QTRT1: variants seen among roughly 807,000 people sequenced by gnomAD.
The protein encoded by QTRT1 is TGT, 43-KD subunit.
QTRT1 carries 41 observed loss-of-function variants against 44.0 expected under a neutral mutation model. The ratio of observed to expected loss-of-function variants is 0.93; its 90% CI spans 0.73 to 1.21. QTRT1 has a LOEUF of 1.21. Ranked by LOEUF, QTRT1 falls within the 50% of genes most tolerant of loss-of-function variation. The probability of loss-of-function intolerance (pLI) is 0.00; values close to 1 mark genes in which losing one functional copy is unlikely to be tolerated. For missense variants in QTRT1, 542 were observed against 575.8 expected (o/e 0.94, Z 0.60); for synonymous variants, 226 against 237.1 (o/e 0.95, Z 0.43).
chr19:10,701,504 G>A lies in QTRT1; in HGVS notation c.44G>A (p.Arg15Gln), dbSNP rs760917157. Residue 15 changes from arginine to glutamine, a missense_variant, in exon 1 of 10, where the codon CGG becomes CAG. Arg to Gln is a conservative substitution (Grantham distance 43, BLOSUM62 1). Coordinates refer to ENST00000250237, the MANE Select transcript of QTRT1 (RefSeq NM_031209.3). The stretch of plus-strand genomic sequence containing the variant: ...CAGGCTTCCCTGGAGTCGGCCCCAC[G>A]GATCATGCGGCTGGTGGCCGAATGC... ...ATQASLESAP[R>Q]IMRLVAECSR... is the part of the protein sequence containing the mutation. 6.3e-7 allele frequency: 1 copy of A among 1,586,770 alleles called. No homozygotes were observed. The highest frequency in any genetic ancestry group is 1.3e-5 in the African/African-American group (1 of 74,576).
At chr19:10,706,674 T>C (rs2068714958) in intron 3 of QTRT1, 1 of 136,678 alleles carries the variant, frequency 7.3e-6, no homozygotes, top group African/African-American at 2.9e-5. Flanking sequence ...CGCCTGTTTT[T>C]TTTTTTTTAA....
intron 5 of QTRT1, among the ~76,000 whole-genome samples, chr19:10,708,716 T>G (rs1002055367): frequency 1.3e-5 from 2 of 151,586 alleles, no homozygotes; most frequent in African/African-American, 4.8e-5. Context: ...ATGCTCACAT[T>G]ACCTTCAAAA....
chr19:10,708,593 C>G lies in QTRT1; in HGVS notation c.646+978C>G, dbSNP rs1737415107. On this transcript the variant is annotated intron_variant, in intron 5 of 9. Transcript: ENST00000250237. ...GCTCTGAGGCTTACCTGCCCCAGCA[C>G]AAACTACTGAAAGTCCTGGTAAAAT... is the stretch of plus-strand genomic sequence containing the variant. 1.3e-5 allele frequency among the ~76,000 whole-genome samples: 2 copies of G among 152,060 alleles called. 1 individual carries two copies. The highest frequency in any genetic ancestry group is 4.1e-4 in the South Asian group (2 of 4,830).
In QTRT1 at chr19:10,713,358, G is replaced by GT. The variant is rs1413678974; in HGVS notation, c.*89dup. ...TCCTTTTTGAAAGGTTTTTTTTATTGTAACTTACAGAGTGTGTCTGTGTCT... is the reference window on the plus strand; with the variant it reads ...TCCTTTTTGAAAGGTTTTTTTTATTGTTAACTTACAGAGTGTGTCTGTGTCT... On this transcript the variant is annotated 3_prime_UTR_variant, in exon 10 of 10. Transcript: ENST00000250237. The surrounding 1 kb of genome is among the most constrained non-coding windows in gnomAD (Gnocchi z 4.3). 1 of 1,463,854 alleles carries GT rather than the reference G, an allele frequency of 6.8e-7. No individual in the cohort carries two copies. The highest frequency in any genetic ancestry group is 9.3e-7 in the Non-Finnish European group (1 of 1,071,424). The allele number at this position is 1,463,854 out of a possible 1,614,324, so 90.7% of individuals were successfully genotyped here.
intron 5 of QTRT1, among the ~76,000 whole-genome samples, chr19:10,708,753 CTTT>C (rs1220753692): frequency 1.4e-5 from 2 of 141,994 alleles, no homozygotes; most frequent in East Asian, 4.0e-4. Context: ...GCCTGCATTC[CTTT>C]TTTTTTTTTT....
rs926328024 is a variant in QTRT1 at position 10,712,071 on chromosome 19, G to A, written c.647-90G>A. 2.6e-6 allele frequency: 4 copies of A among 1,530,802 alleles called. No individual in the cohort carries two copies. The highest frequency in any genetic ancestry group is 3.6e-6 in the Non-Finnish European group (4 of 1,116,634). 94.8% of individuals were successfully genotyped at this position (1,530,802 alleles called of 1,614,324 possible). A position where few individuals can be genotyped will look rare whatever the true frequency, so the allele number is the denominator to read the frequency against. ...TGTTTCTCTGACTCTCTCCCTGAGC[G>A]ACTCTGGAAGTCTGGGCAGGGTGTG... is the stretch of plus-strand genomic sequence containing the variant. On this transcript the variant is annotated intron_variant, in intron 5 of 9. Coordinates refer to ENST00000250237, the MANE Select transcript of QTRT1 (RefSeq NM_031209.3). This position sits in a 1 kb window ranked among gnomAD's most constrained non-coding sequence, Gnocchi z 5.6.
At chr19:10,704,483 A>G (rs1332855209) in intron 3 of QTRT1, among the ~76,000 whole-genome samples, 1 of 150,676 alleles carries the variant, frequency 6.6e-6, no homozygotes, top group Non-Finnish European at 1.5e-5. Flanking sequence ...TTTACTAGAG[A>G]CGGGGTTTCA....
In QTRT1 at chr19:10,713,278, T is replaced by C. The variant is rs770841091; in HGVS notation, c.*8T>C. 3.2e-6 allele frequency: 5 copies of C among 1,582,000 alleles called. No homozygotes were observed. Among genetic ancestry groups the C allele is most frequent in the Admixed American group, 1.7e-5 (1 of 57,884 alleles). ...GGAATCACACTGGGCTGACCTGGCA[T>C]TGGGAGAGGGAGGGAGGAAGGAAGG... On this transcript the variant is annotated 3_prime_UTR_variant, in exon 10 of 10. Transcript: ENST00000250237. The surrounding 1 kb of genome is among the most constrained non-coding windows in gnomAD (Gnocchi z 4.3).
In QTRT1 at chr19:10,712,534, G is replaced by A. The variant is rs370414301; in HGVS notation, c.786-19G>A. On this transcript the variant is annotated intron_variant, in intron 6 of 9. Coordinates refer to ENST00000250237, the MANE Select transcript of QTRT1 (RefSeq NM_031209.3). This position sits in a 1 kb window ranked among gnomAD's most constrained non-coding sequence, Gnocchi z 5.6. ...CCCCTGAGGTTCTCTGCCCCCTCCC[G>A]TCATGGCTGCAACCCCAGCTATGCC... 104 of 1,611,636 alleles carry A rather than the reference G, an allele frequency of 6.5e-5. 1 individual carries two copies. Among genetic ancestry groups the A allele is most frequent in the South Asian group, 5.2e-4 (47 of 91,036 alleles).
In QTRT1 at chr19:10,712,733, T is replaced by G. The variant is rs1295214313; in HGVS notation, c.862-25T>G. 6.2e-7 allele frequency: 1 copy of G among 1,605,472 alleles called. No homozygotes were observed. Among genetic ancestry groups the G allele is most frequent in the Non-Finnish European group, 8.5e-7 (1 of 1,172,620 alleles). ...AGAATGAAGCCCTGGGTGACGCCCC[T>G]TTCCCTGCCCTTCCTCTCCCACAGC... On this transcript the variant is annotated intron_variant, in intron 7 of 9. Coordinates refer to ENST00000250237, the MANE Select transcript of QTRT1 (RefSeq NM_031209.3). This position sits in a 1 kb window ranked among gnomAD's most constrained non-coding sequence, Gnocchi z 5.6.
At chr19:10,708,719 C>T (rs1406224755) in intron 5 of QTRT1, among the ~76,000 whole-genome samples, 1 of 151,076 alleles carries the variant, frequency 6.6e-6, no homozygotes, top group East Asian at 1.9e-4. Flanking sequence ...CTCACATTAC[C>T]TTCAAAACCT....
intron 3 of QTRT1, among the ~76,000 whole-genome samples, chr19:10,703,937 C>T (rs937118109): frequency 5.9e-5 from 9 of 152,058 alleles, no homozygotes; most frequent in African/African-American, 1.9e-4. Context: ...CCTCTGCCTC[C>T]TGGCCTCAAG....
Position 10,712,555 on chromosome 19 carries a change from A to AT in QTRT1, c.789dup (p.Ala264CysfsTer3). 1 of 1,612,718 alleles carries AT rather than the reference A, an allele frequency of 6.2e-7. No individual in the cohort carries two copies. The highest frequency in any genetic ancestry group is 2.2e-5 in the East Asian group (1 of 44,864). ...TCCCGTCATGGCTGCAACCCCAGCT[A>AT]TGCCACTGATCTGGTAGTCTGCGTG... On this transcript the variant is annotated frameshift_variant, in exon 7 of 10. Coordinates refer to ENST00000250237, the MANE Select transcript of QTRT1 (RefSeq NM_031209.3). LOFTEE classifies it high-confidence loss of function. The surrounding 1 kb of genome is among the most constrained non-coding windows in gnomAD (Gnocchi z 5.6).
At position 10,702,271 on chromosome 19, in the gene QTRT1, G is replaced by C. The variant is rs764606366; in HGVS notation, c.451+17G>C. The C allele has an allele frequency of 6.2e-7, 1 of 1,612,174 alleles. No individual in the cohort carries two copies. The highest frequency in any genetic ancestry group is 8.5e-7 in the Non-Finnish European group (1 of 1,179,034). On this transcript the variant is annotated intron_variant, in intron 3 of 9. Coordinates refer to ENST00000250237, the MANE Select transcript of QTRT1 (RefSeq NM_031209.3). ...ATGCGCTGGGTGAGAGGACCCTGGG[G>C]AGCCGCCTCCTTACCCTGTCTGTCA...
Position 10,713,044 on chromosome 19 carries a change from AG to A in QTRT1, c.1059+5del, listed in dbSNP as rs773715295. The A allele has an allele frequency of 2.5e-6, 4 of 1,610,548 alleles. No individual in the cohort carries two copies. Among genetic ancestry groups the A allele is most frequent in the Non-Finnish European group, 3.4e-6 (4 of 1,179,878 alleles). On this transcript the variant is annotated splice_donor_5th_base_variant and intron_variant, in intron 9 of 9. Transcript: ENST00000250237. This position sits in a 1 kb window ranked among gnomAD's most constrained non-coding sequence, Gnocchi z 4.3. ...GGTCCACAACATCGCCTACCAGGTG[AG>A]CCAGTGCCCGGGGCAAGGTGGGCGG...
chr19:10,703,293 C>G (rs1206354663), intron 3 of QTRT1, among the ~76,000 whole-genome samples: 1 of 151,822 alleles, frequency 6.6e-6, no homozygotes, highest in Non-Finnish European at 1.5e-5. Flanking sequence ...AACTCCGGAC[C>G]TCAGGTGATC....
Position 10,707,558 on chromosome 19 carries a change from C to T in QTRT1, c.589C>T (p.Leu197Phe), listed in dbSNP as rs774256789. 7 of 1,612,814 alleles carry T rather than the reference C, an allele frequency of 4.3e-6. No homozygotes were observed. Among genetic ancestry groups the T allele is most frequent in the Non-Finnish European group, 5.9e-6 (7 of 1,179,532 alleles). ...AAHQRPDKQN[L>F]FAIIQGGLDA... is the part of the protein sequence containing the mutation. ...CCATCAGCGGCCGGACAAGCAGAAC[C>T]TCTTCGCCATTATCCAGGGTGGGCT... The change falls in exon 5 of 10, where the codon CTC becomes TTC. Residue 197 changes from leucine to phenylalanine, a missense_variant. Leu to Phe is a conservative substitution (Grantham distance 22, BLOSUM62 0). Transcript: ENST00000250237.
Position 10,712,941 on chromosome 19 carries a change from G to C in QTRT1, c.972-12G>C, listed in dbSNP as rs778772567. ...GCCTGGCCGTGCTGAGCTGTCCCCT[G>C]CCGCTCTACAGGCACAGCCGCGCCT... On this transcript the variant is annotated splice_polypyrimidine_tract_variant and intron_variant, in intron 8 of 9. Transcript: ENST00000250237. The surrounding 1 kb of genome is among the most constrained non-coding windows in gnomAD (Gnocchi z 5.6). 1.9e-6 allele frequency: 3 copies of C among 1,613,002 alleles called. No homozygotes were observed. The highest frequency in any genetic ancestry group is 2.5e-6 in the Non-Finnish European group (3 of 1,179,906).
At chr19:10,702,863 G>T (rs1268757744) in intron 3 of QTRT1, among the ~76,000 whole-genome samples, 2 of 147,872 alleles carry the variant, frequency 1.4e-5, no homozygotes, top group Middle Eastern at 3.6e-3. Flanking sequence ...TCTGCCTCCC[G>T]GGTTCAAGTG....
Sources: gnomAD v4.1 joint callset for allele counts (sites outside exome capture counted in the v4.1 genomes callset) on GRCh38, gnomAD v4.1.1 for gene constraint, Gnocchi (gnomAD v3.1) non-coding constraint, MANE v1.5 for transcripts, NCBI Gene and HGNC (gene_info 2026-07-23, HGNC 2026-07-21) for gene names.